CIDEA: variants seen among roughly 807,000 people sequenced by gnomAD.
CIDEA encodes lipid transferase CIDEA.
Under a neutral mutation model 18.2 loss-of-function variants are expected in CIDEA, and 10 were observed. The observed-to-expected ratio is 0.55, with a 90% CI of 0.34 to 0.93. The LOEUF (loss-of-function observed/expected upper bound fraction) is 0.93, where lower values mean the gene tolerates loss of function less well. Among genes scored for constraint, CIDEA ranks in the 40% least tolerant of loss-of-function variants. CIDEA has a pLI of 0.02. For missense variants in CIDEA, 309 were observed against 293.1 expected (o/e 1.05, Z -0.40); for synonymous variants, 128 against 124.8 (o/e 1.03, Z -0.17).
chr18:12,277,359 C>T lies in CIDEA; in HGVS notation c.*89C>T, dbSNP rs7244929. The T allele has an allele frequency of 0.047, 67,773 of 1,440,152 alleles. 1,855 individuals carry two copies. Among genetic ancestry groups the T allele is most frequent in the Middle Eastern group, 0.077 (429 of 5,584 alleles). The allele number at this position is 1,440,152 out of a possible 1,614,324, so 89.2% of individuals were successfully genotyped here. Reference sequence around the variant, plus strand: ...TTGAAGATGCTTTTATGTTCTGAGCCACATGCACTTGGAGGCCGCTGGTCA... The same window carrying T: ...TTGAAGATGCTTTTATGTTCTGAGCTACATGCACTTGGAGGCCGCTGGTCA... On this transcript the variant is annotated 3_prime_UTR_variant, in exon 5 of 5. Coordinates refer to ENST00000320477, the MANE Select transcript of CIDEA (RefSeq NM_001279.4).
chr18:12,271,888 G>C (rs548149906), intron 3 of CIDEA, among the ~76,000 whole-genome samples: 2 of 152,294 alleles, frequency 1.3e-5, no homozygotes, highest in South Asian at 4.1e-4. Context: ...GCCCCCGCCC[G>C]GCGAGGCCCC....
chr18:12,258,128 A>G (rs1437627002), intron 1 of CIDEA, among the ~76,000 whole-genome samples: 1 of 152,220 alleles, frequency 6.6e-6, no homozygotes, highest in African/African-American at 2.4e-5. Flanking sequence ...TTCCTCCAGC[A>G]GTGACGCAGC....
intron 3 of CIDEA, among the ~76,000 whole-genome samples, chr18:12,272,975 C>G (rs56273967): frequency 1.7e-3 from 262 of 152,284 alleles, no homozygotes; most frequent in Middle Eastern, 6.8e-3. Context: ...ATATTTGTAC[C>G]TTGGGGCAGC....
intron 2 of CIDEA, 63 bp downstream of exon 2, chr18:12,263,032 T>G: frequency 1.3e-6 from 2 of 1,558,760 alleles, no homozygotes; most frequent in Non-Finnish European, 1.8e-6. Context: ...CACAGGGCCA[T>G]GGTCTTGGGC....
At chr18:12,276,533 C>T (rs1460386831) in intron 4 of CIDEA, among the ~76,000 whole-genome samples, 1 of 152,200 alleles carries the variant, frequency 6.6e-6, no homozygotes, top group East Asian at 1.9e-4. Context: ...GATGACACCA[C>T]AAGCAGCCAT....
intron 3 of CIDEA, among the ~76,000 whole-genome samples, chr18:12,270,688 C>CAAAAAAAAAAAAAAAAAAAAAAAAAAA (rs68102741): frequency 2.7e-5 from 2 of 72,804 alleles, no homozygotes; most frequent in African/African-American, 1.7e-4. Flanking sequence ...CTCCGTCTCA[C>CAAAAAAAAAAAAAAAAAAAAAAAAAAA]AAAAAAAAAA....
intron 3 of CIDEA, among the ~76,000 whole-genome samples, chr18:12,266,780 A>C (rs1457257862): frequency 7.7e-6 from 1 of 129,052 alleles, no homozygotes; most frequent in Non-Finnish European, 1.7e-5. Flanking sequence ...TTTTTTTTTG[A>C]GACAGAGTCT....
rs142600725 is a variant in CIDEA at position 12,266,953 on chromosome 18, G to A, written c.330+2500G>A. Among the ~76,000 whole-genome samples, 10 of 152,182 alleles carry A rather than the reference G, an allele frequency of 6.6e-5. No homozygotes were observed. In the East Asian group the frequency reaches 1.2e-3, roughly 18 times the overall value. On this transcript the variant is annotated intron_variant, in intron 3 of 4. Transcript: ENST00000320477. ...TTTTTGTATTTTCAGTAGAGATGGGGTTTCACCATATTGGACAGGCTGGTC... is the reference window on the plus strand; with the variant it reads ...TTTTTGTATTTTCAGTAGAGATGGGATTTCACCATATTGGACAGGCTGGTC...
At chr18:12,270,460 G>T (rs1458566827) in intron 3 of CIDEA, among the ~76,000 whole-genome samples, 1 of 152,164 alleles carries the variant, frequency 6.6e-6, no homozygotes, top group South Asian at 2.1e-4. Context: ...GGAGGCCAAG[G>T]TGGGTGGATC....
Position 12,277,282 on chromosome 18 carries a change from G to A in CIDEA, c.*12G>A. ...TCACGTGTGGATAGGGATGCAGGCT[G>A]TCGCCGGCTCTTGAGCCAAACACTG... is the stretch of plus-strand genomic sequence containing the variant. On this transcript the variant is annotated 3_prime_UTR_variant, in exon 5 of 5. Coordinates refer to ENST00000320477, the MANE Select transcript of CIDEA (RefSeq NM_001279.4). The A allele has an allele frequency of 6.2e-7, 1 of 1,613,980 alleles. No homozygotes were observed. Among genetic ancestry groups the A allele is most frequent in the Non-Finnish European group, 8.5e-7 (1 of 1,179,976 alleles).
intron 1 of CIDEA, among the ~76,000 whole-genome samples, chr18:12,261,769 C>T (rs1460047856): frequency 6.6e-6 from 1 of 151,734 alleles, no homozygotes; most frequent in Non-Finnish European, 1.5e-5. Context: ...TTTGTAAAGA[C>T]AGGGTCTCAC....
intron 3 of CIDEA, among the ~76,000 whole-genome samples, chr18:12,271,101 G>A (rs1429554176): frequency 1.3e-5 from 2 of 152,008 alleles, no homozygotes; most frequent in South Asian, 4.1e-4. Flanking sequence ...GTTTCGCCAT[G>A]TTGGCCAGGC....
At chr18:12,276,523 G>A (rs1260880411) in intron 4 of CIDEA, among the ~76,000 whole-genome samples, 2 of 152,254 alleles carry the variant, frequency 1.3e-5, no homozygotes, top group South Asian at 2.1e-4. Flanking sequence ...TGATAAATCC[G>A]ATGACACCAC....
chr18:12,271,621 G>A (rs1912533717), intron 3 of CIDEA, among the ~76,000 whole-genome samples: 1 of 152,212 alleles, frequency 6.6e-6, no homozygotes, highest in Non-Finnish European at 1.5e-5. Flanking sequence ...GTTGGTGGTG[G>A]GCGCTGGGAA....
At chr18:12,263,313 T>TG (rs1358896986) in intron 2 of CIDEA, among the ~76,000 whole-genome samples, 1 of 152,034 alleles carries the variant, frequency 6.6e-6, no homozygotes, top group Non-Finnish European at 1.5e-5. Flanking sequence ...GCCAACTCTG[T>TG]GAGCATACCA....
chr18:12,259,407 C>G (rs1375265423), intron 1 of CIDEA, among the ~76,000 whole-genome samples: 5 of 152,064 alleles, frequency 3.3e-5, no homozygotes, highest in African/African-American at 1.2e-4. Context: ...CTCCCACAAC[C>G]AAAAAAAGTC....
At chr18:12,254,859 G>A (rs866312658) in intron 1 of CIDEA, 4 of 1,331,648 alleles carry the variant, frequency 3.0e-6, no homozygotes, top group African/African-American at 1.5e-5. Context: ...AAATCACAAC[G>A]GGAGCTGGGC....
intron 1 of CIDEA, among the ~76,000 whole-genome samples, chr18:12,258,330 C>T (rs968395769): frequency 3.9e-5 from 6 of 152,196 alleles, no homozygotes; most frequent in Non-Finnish European, 5.9e-5. Flanking sequence ...CTTACGAAGG[C>T]GTGAGCATGT....
intron 1 of CIDEA, among the ~76,000 whole-genome samples, chr18:12,256,768 A>G (rs1912046919): frequency 6.6e-6 from 1 of 152,200 alleles, no homozygotes. Flanking sequence ...TAAGTATGCT[A>G]CAAGTCAATC....
Sources: gnomAD v4.1 joint callset for allele counts (sites outside exome capture counted in the v4.1 genomes callset) on GRCh38, gnomAD v4.1.1 for gene constraint, MANE v1.5 for transcripts, NCBI Gene and HGNC (gene_info 2026-07-23, HGNC 2026-07-21) for gene names.